Variants in KAT14 observed in about 807,000 individuals in gnomAD.
KAT14 encodes the protein cysteine-rich protein 2-binding protein.
KAT14 carries 66 observed loss-of-function variants against 78.4 expected under a neutral mutation model. That is an observed-to-expected ratio of 0.84 (90% CI 0.69 to 1.03). The LOEUF (loss-of-function observed/expected upper bound fraction) is 1.03, where lower values mean the gene tolerates loss of function less well. Ranked by LOEUF, KAT14 falls within the 50% of genes least tolerant of loss-of-function variation. The pLI is 0.00. For synonymous variants in KAT14, 344 were observed against 359.4 expected (o/e 0.96, Z 0.48); for missense variants, 870 against 972.5 (o/e 0.89, Z 1.40).
At chr20:18,149,822 C>T (rs1414871844) in intron 3 of KAT14, among the ~76,000 whole-genome samples, 2 of 152,024 alleles carry the variant, frequency 1.3e-5, no homozygotes, top group African/African-American at 4.8e-5. Flanking sequence ...TGGTGGTGCG[C>T]ATCTGAGATC....
chr20:18,179,149 C>T (rs1377941287), intron 7 of KAT14, among the ~76,000 whole-genome samples: 3 of 152,224 alleles, frequency 2.0e-5, no homozygotes, highest in Non-Finnish European at 4.4e-5. Context: ...GCAGCTCCAC[C>T]CCTGTGGCTT....
At position 18,187,295 on chromosome 20, in the gene KAT14, G is replaced by A; in HGVS notation, c.2182G>A (p.Gly728Ser). ...MIYHLIQTCM[G>S]KDVTLHVSAS... ...TCCACTCTTTTGGCAGACCTGCATG[G>A]GCAAGGACGTAACCCTTCACGTCTC... The change falls in exon 11 of 11, where the codon GGC (glycine) becomes AGC (serine). Residue 728 changes from glycine to serine, a missense_variant. Physicochemically the swap from Gly to Ser is moderately conservative, Grantham distance 56. Coordinates refer to ENST00000688188, the MANE Select transcript of KAT14 (RefSeq NM_001392073.1). 3 of 1,607,858 alleles carry A rather than the reference G, an allele frequency of 1.9e-6. No individual in the cohort carries two copies. Among genetic ancestry groups the A allele is most frequent in the Non-Finnish European group, 2.5e-6 (3 of 1,178,296 alleles).
chr20:18,143,441 T>G (rs1280429783), intron 2 of KAT14, among the ~76,000 whole-genome samples: 1 of 151,832 alleles, frequency 6.6e-6, no homozygotes, highest in Non-Finnish European at 1.5e-5. Context: ...CACTCCCTGA[T>G]TGCCTCAATC....
At position 18,187,589 on chromosome 20, in the gene KAT14, A is replaced by G. The variant is rs1363898247; in HGVS notation, c.*130A>G. On this transcript the variant is annotated 3_prime_UTR_variant, in exon 11 of 11. Coordinates refer to ENST00000688188, the MANE Select transcript of KAT14 (RefSeq NM_001392073.1). ...TACATGGTCCTTCAAACTCCCAACC[A>G]AAGTGAGAAAAGCGGCATGCAGTGA... is the stretch of plus-strand genomic sequence containing the variant. The G allele has an allele frequency of 8.3e-6, 12 of 1,443,168 alleles. No individual in the cohort carries two copies. Among genetic ancestry groups the G allele is most frequent in the Non-Finnish European group, 1.0e-5 (11 of 1,082,776 alleles). 89.4% of individuals were successfully genotyped at this position (1,443,168 alleles called of 1,614,324 possible). A position where few individuals can be genotyped will look rare whatever the true frequency, so the allele number is the denominator to read the frequency against.
Position 18,161,874 on chromosome 20 carries a change from G to A in KAT14, c.734G>A (p.Arg245Gln), listed in dbSNP as rs1202100911. The stretch of plus-strand genomic sequence containing the variant: ...ATTACTGTTGAGGGACTTAGAAAAC[G>A]AGCAAGTCGGAATCCTGTGGAATCT... ...PIITVEGLRK[R>Q]ASRNPVESAM... The change falls in exon 6 of 11, where the codon CGA (arginine) becomes CAA (glutamine). Residue 245 changes from arginine to glutamine, a missense_variant. Coordinates refer to ENST00000688188, the MANE Select transcript of KAT14 (RefSeq NM_001392073.1). The A allele has an allele frequency of 1.3e-5, 21 of 1,613,982 alleles. No homozygotes were observed. Among genetic ancestry groups the A allele is most frequent in the East Asian group, 2.2e-5 (1 of 44,894 alleles).
chr20:18,178,488 A>G (rs2039127216), intron 7 of KAT14, among the ~76,000 whole-genome samples: 1 of 152,194 alleles, frequency 6.6e-6, no homozygotes, highest in Admixed American at 6.5e-5. Context: ...CTGGCTAGGG[A>G]GACCTCAGAA....
At chr20:18,151,287 C>T (rs1263747850) in intron 4 of KAT14, among the ~76,000 whole-genome samples, 2 of 152,132 alleles carry the variant, frequency 1.3e-5, no homozygotes, top group African/African-American at 4.8e-5. Flanking sequence ...ACCGCCACCT[C>T]CCGGGTTCAA....
chr20:18,142,780 C>G lies in KAT14; in HGVS notation c.120C>G (p.Val40=). The G allele has an allele frequency of 5.0e-6, 8 of 1,614,112 alleles. No individual in the cohort carries two copies. Among genetic ancestry groups the G allele is most frequent in the Non-Finnish European group, 6.8e-6 (8 of 1,180,034 alleles). Residue 40 remains valine, a synonymous_variant, in exon 2 of 11, where the codon GTC becomes GTG. Coordinates refer to ENST00000688188, the MANE Select transcript of KAT14 (RefSeq NM_001392073.1). The part of the protein sequence containing the change: ...GEVEGETLLI[V]ESEDQASVDL... ...TGGAGGGAGAGACGCTCCTGATCGT[C>G]GAATCCGAGGATCAGGCATCAGTGG... is the stretch of plus-strand genomic sequence containing the variant.
At position 18,162,695 on chromosome 20, in the gene KAT14, G is replaced by A; in HGVS notation, c.1418G>A (p.Arg473Lys). 2 of 1,614,210 alleles carry A rather than the reference G, an allele frequency of 1.2e-6. No individual in the cohort carries two copies. Among genetic ancestry groups the A allele is most frequent in the Non-Finnish European group, 1.7e-6 (2 of 1,180,034 alleles). Residue 473 changes from arginine (R) to lysine (K), a missense_variant, in exon 7 of 11, where the codon AGG (arginine) becomes AAG (lysine). By Grantham distance (26) the Arg-to-Lys change is conservative. Coordinates refer to ENST00000688188, the MANE Select transcript of KAT14 (RefSeq NM_001392073.1). Reference sequence around the variant, plus strand: ...TACGAGGAAAAGCTGCTGCTCAAGAGGCTGGAAGCTTGTCCCGGTGCTGTT... The same window carrying A: ...TACGAGGAAAAGCTGCTGCTCAAGAAGCTGGAAGCTTGTCCCGGTGCTGTT... ...SIYEEKLLLK[R>K]LEACPGAVAM...
chr20:18,145,923 A>C (rs2037810693), intron 3 of KAT14, among the ~76,000 whole-genome samples: 1 of 152,204 alleles, frequency 6.6e-6, no homozygotes, highest in African/African-American at 2.4e-5. Context: ...CCATTTTAAG[A>C]ACAATAAAAC....
intron 4 of KAT14, among the ~76,000 whole-genome samples, chr20:18,157,198 G>A (rs895162315): frequency 1.5e-4 from 23 of 152,030 alleles, no homozygotes; most frequent in African/African-American, 5.3e-4. Context: ...AATCTTTTGA[G>A]TCTTTGTCAG....
Position 18,176,862 on chromosome 20 carries a change from G to C in KAT14, c.1669-4848G>C, listed in dbSNP as rs773235502. ...TTTAGAAGACTCTGGCTTCTGTGTC[G>C]AGAGTGGATAGTATGGGTGTAAGAG... On this transcript the variant is annotated intron_variant, in intron 7 of 10. Coordinates refer to ENST00000688188, the MANE Select transcript of KAT14 (RefSeq NM_001392073.1). Among the ~76,000 whole-genome samples the C allele has an allele frequency of 3.0e-4, 46 of 152,172 alleles. 1 individual carries two copies. Among genetic ancestry groups the C allele is most frequent in the Non-Finnish European group, 1.0e-4 (7 of 68,028 alleles).
chr20:18,159,178 C>T lies in KAT14; in HGVS notation c.595C>T (p.Pro199Ser), dbSNP rs747647189. 6.2e-7 allele frequency: 1 copy of T among 1,614,062 alleles called. No homozygotes were observed. Among genetic ancestry groups the T allele is most frequent in the Non-Finnish European group, 8.5e-7 (1 of 1,179,972 alleles). ...FRSGAQEFGE[P>S]GWWKLVHNKP... ...TTCAGGTGCTCAGGAATTTGGAGAGCCAGGATGGTGGAAACTTGTTCATAA... is the reference window on the plus strand; with the variant it reads ...TTCAGGTGCTCAGGAATTTGGAGAGTCAGGATGGTGGAAACTTGTTCATAA... The change falls in exon 5 of 11, where the codon CCA (proline) becomes TCA (serine). Residue 199 changes from proline to serine, a missense_variant. Transcript: ENST00000688188.
chr20:18,186,944 G>A (rs1005127296), intron 10 of KAT14, among the ~76,000 whole-genome samples: 6 of 152,054 alleles, frequency 3.9e-5, no homozygotes, highest in Non-Finnish European at 8.8e-5. Flanking sequence ...TTTATTCAAG[G>A]TTATCATAGT....
intron 1 of KAT14, among the ~76,000 whole-genome samples, chr20:18,139,637 T>C (rs1485543197): frequency 3.1e-5 from 1 of 32,196 alleles, no homozygotes; most frequent in Non-Finnish European, 5.8e-5. Flanking sequence ...AAATAACGTG[T>C]GTGTGTGTGT....
chr20:18,164,146 T>C (rs186179846), intron 7 of KAT14, among the ~76,000 whole-genome samples: 37 of 152,324 alleles, frequency 2.4e-4, no homozygotes, highest in African/African-American at 8.7e-4. Flanking sequence ...AGATCCTCTT[T>C]TCTTTTTTTT....
At chr20:18,138,361 C>T (rs570438741) in intron 1 of KAT14, 1 of 1,076,556 alleles carries the variant, frequency 9.3e-7, no homozygotes, top group Non-Finnish European at 1.1e-6. Context: ...TTTTGGGGTG[C>T]CCAGTGGCTC....
At chr20:18,179,684 A>T (rs2039177415) in intron 7 of KAT14, among the ~76,000 whole-genome samples, 1 of 152,128 alleles carries the variant, frequency 6.6e-6, no homozygotes, top group African/African-American at 2.4e-5. Context: ...CATGCCGTGG[A>T]GATTGTCTTG....
intron 6 of KAT14, 22 bp downstream of exon 6, chr20:18,162,261 T>C: frequency 6.2e-7 from 1 of 1,613,296 alleles, no homozygotes; most frequent in Non-Finnish European, 8.5e-7. Flanking sequence ...TTTGCTTTGC[T>C]CTTTTATTTT....
Sources: gnomAD v4.1 joint callset for allele counts (sites outside exome capture counted in the v4.1 genomes callset) on GRCh38, gnomAD v4.1.1 for gene constraint, MANE v1.5 for transcripts, NCBI Gene and HGNC (gene_info 2026-07-23, HGNC 2026-07-21) for gene names.